PLCG2: variants seen among roughly 807,000 people sequenced by gnomAD.
PLCG2 encodes the protein phospholipase C gamma 2, also known as 1-phosphatidylinositol 4,5-bisphosphate phosphodiesterase gamma-2.
A neutral mutation model predicts 175.6 loss-of-function variants in PLCG2; 69 were observed. That is an observed-to-expected ratio of 0.39 (90% CI 0.32 to 0.48). PLCG2 has a LOEUF of 0.48. Ranked by LOEUF, PLCG2 falls within the 20% of genes least tolerant of loss-of-function variation. PLCG2 has a pLI of 0.91. For missense variants in PLCG2, 1,798 were observed against 1,650.9 expected, an observed-to-expected ratio of 1.09 and a Z score of -1.54; for synonymous variants, 827 against 624.0, an observed-to-expected ratio of 1.33 and a Z score of -4.85.
intron 1 of PLCG2, among the ~76,000 whole-genome samples, chr16:81,784,444 C>T (rs1910879727): frequency 6.6e-6 from 1 of 152,154 alleles, no homozygotes; most frequent in African/African-American, 2.4e-5. Context: ...AGCAGCTTGG[C>T]AGAAGGCTGA....
intron 14 of PLCG2, among the ~76,000 whole-genome samples, chr16:81,902,780 A>G (rs1909207647): frequency 6.6e-6 from 1 of 152,204 alleles, no homozygotes; most frequent in African/African-American, 2.4e-5. Flanking sequence ...AAGAGGTTTA[A>G]TGGACTCACA....
chr16:81,883,157 C>A, intron 8 of PLCG2, 112 bp from the exon 9 acceptor site: 1 of 850,728 alleles, frequency 1.2e-6, no homozygotes, highest in Non-Finnish European at 2.0e-6. Flanking sequence ...AACACAGTGC[C>A]AGACTAAGTG....
intron 6 of PLCG2, among the ~76,000 whole-genome samples, chr16:81,869,857 G>C (rs1393029268): frequency 6.6e-6 from 1 of 152,148 alleles, no homozygotes; most frequent in Non-Finnish European, 1.5e-5. Flanking sequence ...AGTAGAGCAG[G>C]TGAGGCAAGG....
At chr16:81,812,823 C>G (rs1055831349) in intron 2 of PLCG2, among the ~76,000 whole-genome samples, 3 of 152,046 alleles carry the variant, frequency 2.0e-5, no homozygotes, top group Admixed American at 6.6e-5. Context: ...ATGTTTAAGT[C>G]TTTTATCCAT....
chr16:81,905,384 GTA>G lies in PLCG2; in HGVS notation c.1363-15_1363-14del. 1 of 1,577,602 alleles carries G rather than the reference GTA, an allele frequency of 6.3e-7. No individual in the cohort carries two copies. Among genetic ancestry groups the G allele is most frequent in the Non-Finnish European group, 8.7e-7 (1 of 1,147,262 alleles). ...TTGGGTCTCCATGGAGACAGCCTAT[GTA>G]TATGTTTTCCCCTCAGCATAAGAAG... On this transcript the variant is annotated splice_polypyrimidine_tract_variant and intron_variant, in intron 14 of 32. Transcript: ENST00000564138.
intron 13 of PLCG2, chr16:81,898,572 A>G (rs1028098104): frequency 6.6e-6 from 1 of 151,972 alleles, no homozygotes; most frequent in Non-Finnish European, 1.5e-5. Context: ...CTTCATTTCT[A>G]TTGAGTGACG....
intron 3 of PLCG2, among the ~76,000 whole-genome samples, chr16:81,857,073 A>G (rs953469160): frequency 6.8e-6 from 1 of 146,558 alleles, no homozygotes; most frequent in African/African-American, 2.5e-5. Context: ...CTGAAAATAA[A>G]TCTATATTAC....
chr16:81,856,896 G>C (rs967967941), intron 3 of PLCG2, among the ~76,000 whole-genome samples: 5 of 152,210 alleles, frequency 3.3e-5, no homozygotes, highest in Admixed American at 3.3e-4. Context: ...AAAGAGATGT[G>C]AGGATGGAAA....
chr16:81,775,314 C>T (rs539323750), upstream of PLCG2, among the ~76,000 whole-genome samples: 1 of 152,064 alleles, frequency 6.6e-6, no homozygotes, highest in Non-Finnish European at 1.5e-5. Flanking sequence ...TCTGCATATG[C>T]TATAGGTGGG....
intron 2 of PLCG2, among the ~76,000 whole-genome samples, chr16:81,836,880 A>G (rs1236019580): frequency 6.6e-6 from 1 of 152,210 alleles, no homozygotes; most frequent in Non-Finnish European, 1.5e-5. Context: ...GCCTTACATG[A>G]GTGCACAGGT....
chr16:81,891,692 G>A, intron 11 of PLCG2, 102 bp downstream of exon 11: 1 of 729,218 alleles, frequency 1.4e-6, no homozygotes, highest in South Asian at 1.5e-5. Flanking sequence ...TTGTGAAGCA[G>A]GTGGAGGGTG....
At chr16:81,950,205 C>G (rs1402977183) in intron 31 of PLCG2, among the ~76,000 whole-genome samples, 1 of 151,956 alleles carries the variant, frequency 6.6e-6, no homozygotes, top group Admixed American at 6.6e-5. Flanking sequence ...GCAGTGTTTA[C>G]AACAAGAGGC....
In PLCG2 at chr16:81,780,755, G is replaced by A. The variant is rs139983000; in HGVS notation, c.-48+1331G>A. ...TTGAAAACATTTCTTGGTCAGGCAC[G>A]GTGGCTCACACCTGTAATCCCAGCA... is the stretch of plus-strand genomic sequence containing the variant. On this transcript the variant is annotated intron_variant, in intron 1 of 32. Coordinates refer to ENST00000564138, the MANE Select transcript of PLCG2 (RefSeq NM_002661.5). 6.0e-4 allele frequency among the ~76,000 whole-genome samples: 92 copies of A among 152,242 alleles called. 1 individual carries two copies. Among genetic ancestry groups the A allele is most frequent in the African/African-American group, 2.1e-3 (88 of 41,542 alleles).
At position 81,934,674 on chromosome 16, in the gene PLCG2, TC is replaced by T. The variant is rs1241788382; in HGVS notation, c.2842+145del. On this transcript the variant is annotated intron_variant, in intron 26 of 32. Coordinates refer to ENST00000564138, the MANE Select transcript of PLCG2 (RefSeq NM_002661.5). ...AGATGGCCCCACCTTGGGTTTGTCC[TC>T]CGAGTGAGGGAGCTGGTGGCAGAAG... is the stretch of plus-strand genomic sequence containing the variant. 1.1e-5 allele frequency: 7 copies of T among 643,368 alleles called. No homozygotes were observed. The African/African-American group carries it at 1.3e-4, about 12-fold the overall frequency. The allele number at this position is 643,368 out of a possible 1,614,324, so 39.9% of individuals were successfully genotyped here.
intron 9 of PLCG2, among the ~76,000 whole-genome samples, chr16:81,888,762 G>T (rs1195623191): frequency 6.6e-6 from 1 of 152,168 alleles, no homozygotes; most frequent in South Asian, 2.1e-4. Context: ...ACTAACAAAC[G>T]TAAAGAGCTA....
At chr16:81,815,952 C>T (rs907665491) in intron 2 of PLCG2, among the ~76,000 whole-genome samples, 3 of 151,942 alleles carry the variant, frequency 2.0e-5, no homozygotes, top group Non-Finnish European at 4.4e-5. Context: ...ATCCTGGCTA[C>T]TCAGGAGGCT....
At chr16:81,913,277 G>C (rs774157209) in intron 19 of PLCG2, among the ~76,000 whole-genome samples, 1 of 152,148 alleles carries the variant, frequency 6.6e-6, no homozygotes, top group Non-Finnish European at 1.5e-5. Context: ...CCAGCCCCAG[G>C]GTTTCCCTGC....
At chr16:81,928,261 T>C (rs1311591396) in intron 23 of PLCG2, among the ~76,000 whole-genome samples, 5 of 152,072 alleles carry the variant, frequency 3.3e-5, no homozygotes, top group Non-Finnish European at 7.4e-5. Flanking sequence ...TAGTCTAGGA[T>C]GTGTTTGGAA....
At chr16:81,925,458 G>T (rs374554980) in intron 22 of PLCG2, among the ~76,000 whole-genome samples, 2 of 152,124 alleles carry the variant, frequency 1.3e-5, no homozygotes, top group African/African-American at 2.4e-5. Context: ...GGTGCGGGGG[G>T]GCGTGAAAAG....
Sources: allele counts gnomAD v4.1 joint callset (sites outside exome capture counted in the v4.1 genomes callset), GRCh38; gene constraint gnomAD v4.1.1; transcripts MANE v1.5; gene names NCBI Gene and HGNC (gene_info 2026-07-23, HGNC 2026-07-21).